The following SNX24 variants were observed in gnomAD, a reference collection of about 807,000 sequenced individuals.
The protein encoded by SNX24 is sorting nexin-24.
SNX24 carries 22 observed loss-of-function variants against 28.7 expected under a neutral mutation model. That is an observed-to-expected ratio of 0.77 (90% CI 0.55 to 1.10). The LOEUF is 1.10. SNX24 is among the 50% of genes least tolerant of loss of function. SNX24 has a pLI of 0.00. For missense variants in SNX24, 221 were observed against 201.1 expected (o/e 1.10, Z -0.60); for synonymous variants, 69 against 71.5 (o/e 0.96, Z 0.18).
chr5:122,991,217 A>T (rs1223381746), intron 3 of SNX24, among the ~76,000 whole-genome samples: 1 of 151,774 alleles, frequency 6.6e-6, no homozygotes, highest in East Asian at 1.9e-4. Flanking sequence ...TTTAAAATTT[A>T]TTTGGATTTT....
chr5:122,990,207 C>T (rs1051185324), intron 3 of SNX24, among the ~76,000 whole-genome samples: 3 of 152,186 alleles, frequency 2.0e-5, no homozygotes, highest in Admixed American at 1.3e-4. Flanking sequence ...CCACTATTTT[C>T]CCACTAAGTA....
Position 122,994,430 on chromosome 5 carries a change from G to A in SNX24, c.250-5482G>A, listed in dbSNP as rs111342124. 7.7e-3 allele frequency among the ~76,000 whole-genome samples: 1,178 copies of A among 152,322 alleles called. 9 individuals carry two copies. Among genetic ancestry groups the A allele is most frequent in the Non-Finnish European group, 0.012 (793 of 68,028 alleles). ...TCTCACGAAGGTTAGGGCAGAACAA[G>A]TCCCTCTGTAATTTTGTGACTACAT... On this transcript the variant is annotated intron_variant, in intron 3 of 6. Coordinates refer to ENST00000261369, the MANE Select transcript of SNX24 (RefSeq NM_014035.4).
chr5:122,887,469 G>C (rs1474368028), intron 1 of SNX24, among the ~76,000 whole-genome samples: 2 of 152,036 alleles, frequency 1.3e-5, no homozygotes, highest in Admixed American at 6.6e-5. Flanking sequence ...TGAGGACTCG[G>C]GTCTTTATTG....
chr5:122,970,676 G>A (rs889998957), intron 3 of SNX24, among the ~76,000 whole-genome samples: 10 of 152,120 alleles, frequency 6.6e-5, no homozygotes, highest in African/African-American at 1.7e-4. Flanking sequence ...CACCGTGTTA[G>A]CCAGGATGGC....
rs1043925071 is a variant in SNX24, at chr5:123,001,293, A to G, written c.345-112A>G. The G allele has an allele frequency of 6.9e-6, 5 of 729,906 alleles. No homozygotes were observed. In the Admixed American group the frequency reaches 1.1e-4, roughly 16 times the overall value. 45.2% of individuals were successfully genotyped at this position (729,906 alleles called of 1,614,324 possible). A position where few individuals can be genotyped will look rare whatever the true frequency, so the allele number is the denominator to read the frequency against. On this transcript the variant is annotated intron_variant, in intron 4 of 6. Coordinates refer to ENST00000261369, the MANE Select transcript of SNX24 (RefSeq NM_014035.4). ...TGGAAACTCACAGCTCTTTTAAAAAATAACTACCAATTCAGTCATCTAATA... is the reference window on the plus strand; with the variant it reads ...TGGAAACTCACAGCTCTTTTAAAAAGTAACTACCAATTCAGTCATCTAATA...
chr5:122,848,298 A>G (rs1041270891), intron 1 of SNX24, among the ~76,000 whole-genome samples: 2 of 151,934 alleles, frequency 1.3e-5, no homozygotes, highest in Non-Finnish European at 2.9e-5. Context: ...ATCTCACTAT[A>G]TTGCACTGGC....
At chr5:122,898,839 G>C (rs1757315024) in intron 1 of SNX24, among the ~76,000 whole-genome samples, 1 of 152,154 alleles carries the variant, frequency 6.6e-6, no homozygotes, top group Non-Finnish European at 1.5e-5. Flanking sequence ...GAGAATCAAT[G>C]GTCTACATGG....
At chr5:122,992,827 C>T (rs928102361) in intron 3 of SNX24, among the ~76,000 whole-genome samples, 1 of 152,190 alleles carries the variant, frequency 6.6e-6, no homozygotes, top group Non-Finnish European at 1.5e-5. Context: ...TAAACAAATA[C>T]TTCTATATGA....
At chr5:122,917,597 A>G (rs1257727633) in intron 1 of SNX24, among the ~76,000 whole-genome samples, 1 of 152,168 alleles carries the variant, frequency 6.6e-6, no homozygotes, top group African/African-American at 2.4e-5. Context: ...TTGCAGCTAT[A>G]TCTTCAAACC....
At chr5:123,007,478 C>T (rs758997265) in intron 6 of SNX24, among the ~76,000 whole-genome samples, 1 of 152,156 alleles carries the variant, frequency 6.6e-6, no homozygotes, top group African/African-American at 2.4e-5. Flanking sequence ...ATTCCTGCCG[C>T]GCCTGGTGGT....
Position 123,008,058 on chromosome 5 carries a change from G to C in SNX24, c.*309G>C. On this transcript the variant is annotated 3_prime_UTR_variant, in exon 7 of 7. Coordinates refer to ENST00000261369, the MANE Select transcript of SNX24 (RefSeq NM_014035.4). Reference sequence around the variant, plus strand: ...GGAGCACTGGGTGTAGCAAAACAAAGCCACTCTCTGCTTCAGTCGCACCAT... The same window carrying C: ...GGAGCACTGGGTGTAGCAAAACAAACCCACTCTCTGCTTCAGTCGCACCAT... 9.4e-7 allele frequency: 1 copy of C among 1,067,536 alleles called. No individual in the cohort carries two copies. The highest frequency in any genetic ancestry group is 1.1e-6 in the Non-Finnish European group (1 of 882,758). 66.1% of individuals were successfully genotyped at this position (1,067,536 alleles called of 1,614,324 possible).
At chr5:122,949,331 T>C (rs946534116) in intron 3 of SNX24, among the ~76,000 whole-genome samples, 2 of 152,186 alleles carry the variant, frequency 1.3e-5, no homozygotes, top group Admixed American at 6.5e-5. Context: ...TATAAATACA[T>C]ATTTTCTTTT....
At chr5:123,009,330 A>G, downstream of SNX24, 2 of 449,418 alleles carry the variant, frequency 4.5e-6, no homozygotes, top group Non-Finnish European at 5.9e-6. Flanking sequence ...TTTATTTCTA[A>G]TATGATAAGA....
At chr5:122,924,451 C>G (rs938324761) in intron 1 of SNX24, among the ~76,000 whole-genome samples, 7 of 152,042 alleles carry the variant, frequency 4.6e-5, no homozygotes, top group Admixed American at 4.6e-4. Context: ...AGGGAGGGCT[C>G]GTGTGCTGGC....
At chr5:122,985,929 A>C (rs1320949352) in intron 3 of SNX24, among the ~76,000 whole-genome samples, 1 of 152,212 alleles carries the variant, frequency 6.6e-6, no homozygotes, top group Non-Finnish European at 1.5e-5. Context: ...GCTGGAGTCC[A>C]GTGGACAGAA....
At chr5:122,909,988 T>C (rs1757812209) in intron 1 of SNX24, among the ~76,000 whole-genome samples, 1 of 152,142 alleles carries the variant, frequency 6.6e-6, no homozygotes, top group Admixed American at 6.5e-5. Context: ...GAAGCCAGAG[T>C]AGATTGAGAG....
At chr5:122,959,267 T>C (rs1045598049) in intron 3 of SNX24, among the ~76,000 whole-genome samples, 1 of 151,652 alleles carries the variant, frequency 6.6e-6, no homozygotes, top group African/African-American at 2.4e-5. Flanking sequence ...GTCCATTTCA[T>C]TTAGGTTATA....
intron 1 of SNX24, among the ~76,000 whole-genome samples, chr5:122,882,771 T>C (rs1756539456): frequency 6.6e-6 from 1 of 152,200 alleles, no homozygotes; most frequent in Non-Finnish European, 1.5e-5. Context: ...TCTCTCAATC[T>C]CTGTCTGTAA....
intron 1 of SNX24, among the ~76,000 whole-genome samples, chr5:122,917,610 G>A (rs1261429363): frequency 1.3e-5 from 2 of 152,126 alleles, no homozygotes; most frequent in Non-Finnish European, 2.9e-5. Context: ...TTCAAACCAC[G>A]GTGGTGGTGA....
Sources: gnomAD v4.1 joint callset for allele counts (sites outside exome capture counted in the v4.1 genomes callset) on GRCh38, gnomAD v4.1.1 for gene constraint, MANE v1.5 for transcripts, NCBI Gene and HGNC (gene_info 2026-07-23, HGNC 2026-07-21) for gene names.